The following CSMD1 variants were observed in gnomAD, a reference collection of about 807,000 sequenced individuals.
The protein encoded by CSMD1 is CUB and Sushi multiple domains 1.
In CSMD1, 213 loss-of-function variants were observed where a neutral mutation model predicts 417.5. The observed-to-expected ratio is 0.51, with a 90% CI of 0.46 to 0.57. The LOEUF (loss-of-function observed/expected upper bound fraction) is 0.57. CSMD1 is among the 20% of genes least tolerant of loss of function. CSMD1 has a pLI of 0.00. For missense variants in CSMD1, 6,923 were observed against 4,529.7 expected (o/e 1.53, Z -15.17); for synonymous variants, 2,862 against 1,736.8 (o/e 1.65, Z -16.11).
At chr8:4,763,412 A>G (rs527687957) in intron 1 of CSMD1, among the ~76,000 whole-genome samples, 46 of 152,294 alleles carry the variant, frequency 3.0e-4, no homozygotes, top group Non-Finnish European at 5.1e-4. Flanking sequence ...CTGTGCTGAG[A>G]GTAAAATATA....
At chr8:4,021,269 T>C (rs1291474115) in intron 4 of CSMD1, among the ~76,000 whole-genome samples, 1 of 152,222 alleles carries the variant, frequency 6.6e-6, no homozygotes, top group East Asian at 1.9e-4. Flanking sequence ...TTACATTAAT[T>C]CTGCATTAAA....
At position 3,961,776 on chromosome 8, in the gene CSMD1, G is replaced by C. The variant is rs535754014; in HGVS notation, c.818+36127C>G. On this transcript the variant is annotated intron_variant, in intron 5 of 69. Transcript: ENST00000635120. ...CTTTCATGATGAAGGCATCAGCTTT[G>C]ATAATGGTGCACTGGGTTTTTAATA... is the stretch of plus-strand genomic sequence containing the variant. Among the ~76,000 whole-genome samples the C allele has an allele frequency of 2.6e-5, 4 of 152,284 alleles. No homozygotes were observed. The East Asian group carries it at 7.7e-4, about 29-fold the overall frequency.
intron 5 of CSMD1, among the ~76,000 whole-genome samples, chr8:3,893,815 A>T (rs1807160907): frequency 6.6e-6 from 1 of 152,078 alleles, no homozygotes; most frequent in African/African-American, 2.4e-5. Flanking sequence ...GCACACTTTG[A>T]TTTTACCTGT....
chr8:3,449,817 C>T (rs555725172), intron 12 of CSMD1, among the ~76,000 whole-genome samples: 16 of 152,224 alleles, frequency 1.1e-4, no homozygotes, highest in Middle Eastern at 3.4e-3. Context: ...TGCACCTAGC[C>T]GAGAGCAACA....
Position 3,795,199 on chromosome 8 carries a change from C to T in CSMD1, c.819-41157G>A, listed in dbSNP as rs1386030094. On this transcript the variant is annotated intron_variant, in intron 5 of 69. Transcript: ENST00000635120. ...TACAGCTATAGATACCTATCATGTA[C>T]AGATATAGATACCTATCATGTACAG... Among the ~76,000 whole-genome samples, 10 of 104,956 alleles carry T rather than the reference C, an allele frequency of 9.5e-5. 1 individual carries two copies. The highest frequency in any genetic ancestry group is 2.6e-4 in the African/African-American group (6 of 23,204). 68.9% of individuals were successfully genotyped at this position (104,956 alleles called of 152,430 possible). A position where few individuals can be genotyped will look rare whatever the true frequency, so the allele number is the denominator to read the frequency against.
intron 1 of CSMD1, among the ~76,000 whole-genome samples, chr8:4,770,309 T>G (rs1437890300): frequency 6.7e-6 from 1 of 148,268 alleles, no homozygotes; most frequent in Non-Finnish European, 1.5e-5. Flanking sequence ...TTATATATAA[T>G]TAGCAACTAT....
intron 1 of CSMD1, among the ~76,000 whole-genome samples, chr8:4,750,944 T>A (rs1235276496): frequency 6.6e-6 from 1 of 152,184 alleles, no homozygotes; most frequent in South Asian, 2.1e-4. Context: ...ATGTTGGTGC[T>A]TACAGCCATG....
intron 21 of CSMD1, among the ~76,000 whole-genome samples, chr8:3,349,773 A>G (rs1282676013): frequency 2.9e-5 from 4 of 137,680 alleles, no homozygotes; most frequent in East Asian, 2.1e-4. Flanking sequence ...TAAAATAGAT[A>G]TAAGTCTAAA....
chr8:4,663,624 T>G (rs368247959), intron 1 of CSMD1, among the ~76,000 whole-genome samples: 137 of 152,280 alleles, frequency 9.0e-4, no homozygotes, highest in South Asian at 6.2e-3. Flanking sequence ...AAGACATGCC[T>G]ACTTTCCCTT....
At chr8:3,079,048 G>T (rs1813896672) in intron 49 of CSMD1, among the ~76,000 whole-genome samples, 1 of 152,162 alleles carries the variant, frequency 6.6e-6, no homozygotes, top group East Asian at 1.9e-4. Flanking sequence ...CACAGAGCCA[G>T]CAAATGCTGG....
chr8:3,927,445 T>C (rs1016743959), intron 5 of CSMD1, among the ~76,000 whole-genome samples: 1 of 151,900 alleles, frequency 6.6e-6, no homozygotes, highest in Non-Finnish European at 1.5e-5. Flanking sequence ...GGCAGGTGGA[T>C]CACAAGGTCA....
At chr8:4,170,829 A>T (rs535196643) in intron 3 of CSMD1, among the ~76,000 whole-genome samples, 2 of 151,900 alleles carry the variant, frequency 1.3e-5, no homozygotes, top group South Asian at 4.1e-4. Flanking sequence ...ATCTTCTCTC[A>T]TTTATAACAT....
At position 4,326,931 on chromosome 8, in the gene CSMD1, C is replaced by G. The variant is rs113398873; in HGVS notation, c.415+93022G>C. On this transcript the variant is annotated intron_variant, in intron 3 of 69. Coordinates refer to ENST00000635120, the MANE Select transcript of CSMD1 (RefSeq NM_033225.6). ...AAAAGTAAGTTAGGAGCCATAATCT[C>G]AAGGAATGTCTACTTTGGAAGTGCA... 6.0e-3 allele frequency among the ~76,000 whole-genome samples: 916 copies of G among 152,156 alleles called. 7 individuals carry two copies. The highest frequency in any genetic ancestry group is 0.021 in the African/African-American group (880 of 41,512).
intron 6 of CSMD1, among the ~76,000 whole-genome samples, chr8:3,748,063 G>T (rs534638067): frequency 6.6e-6 from 1 of 152,244 alleles, no homozygotes; most frequent in African/African-American, 2.4e-5. Context: ...CTAATCGTAA[G>T]TACTTAATGA....
intron 10 of CSMD1, among the ~76,000 whole-genome samples, chr8:3,525,086 C>G (rs1797699751): frequency 6.6e-6 from 1 of 152,162 alleles, no homozygotes; most frequent in Admixed American, 6.5e-5. Context: ...TAAAGTGAAT[C>G]TCTTATTTTT....
chr8:3,714,471 C>T (rs1801709634), intron 6 of CSMD1, among the ~76,000 whole-genome samples: 1 of 147,866 alleles, frequency 6.8e-6, no homozygotes, highest in Non-Finnish European at 1.5e-5. Context: ...ATCTGTAATC[C>T]CAGCACTTTG....
At chr8:3,428,170 T>C (rs1465674294) in intron 12 of CSMD1, among the ~76,000 whole-genome samples, 3 of 152,208 alleles carry the variant, frequency 2.0e-5, no homozygotes, top group Admixed American at 6.5e-5. Flanking sequence ...ATTTCAACTA[T>C]ATGGTTGGGG....
At chr8:4,290,651 CA>C (rs1415805040) in intron 3 of CSMD1, among the ~76,000 whole-genome samples, 1 of 152,144 alleles carries the variant, frequency 6.6e-6, no homozygotes, top group Non-Finnish European at 1.5e-5. Flanking sequence ...GAAGTATATT[CA>C]TAATTATGAT....
intron 21 of CSMD1, among the ~76,000 whole-genome samples, chr8:3,351,269 T>C (rs1031153256): frequency 7.2e-5 from 11 of 152,142 alleles, no homozygotes; most frequent in African/African-American, 2.2e-4. Flanking sequence ...ATTCAAAAGA[T>C]AGTCTTTCAC....
Sources: gnomAD v4.1 joint callset for allele counts (sites outside exome capture counted in the v4.1 genomes callset) on GRCh38, gnomAD v4.1.1 for gene constraint, MANE v1.5 for transcripts, NCBI Gene and HGNC (gene_info 2026-07-23, HGNC 2026-07-21) for gene names.